The following KCNH8 variants were observed in gnomAD, a reference collection of about 807,000 sequenced individuals.
KCNH8 encodes the protein potassium voltage-gated channel subfamily H member 8.
Under a neutral mutation model 103.6 loss-of-function variants are expected in KCNH8, and 70 were observed. The ratio of observed to expected loss-of-function variants is 0.68; its 90% CI spans 0.56 to 0.82. The LOEUF (loss-of-function observed/expected upper bound fraction) is 0.82, where lower values mean the gene tolerates loss of function less well. KCNH8 is among the 40% of genes least tolerant of loss of function. The pLI is 0.00. For synonymous variants in KCNH8, 498 were observed against 489.4 expected, an observed-to-expected ratio of 1.02 and a Z score of -0.23; for missense variants, 1,217 against 1,329.9, an observed-to-expected ratio of 0.92 and a Z score of 1.32.
intron 7 of KCNH8, among the ~76,000 whole-genome samples, chr3:19,420,276 G>T (rs748419467): frequency 6.6e-6 from 1 of 152,048 alleles, no homozygotes; most frequent in African/African-American, 2.4e-5. Flanking sequence ...AGCTTATTTT[G>T]TTCCCGATAA....
intron 3 of KCNH8, among the ~76,000 whole-genome samples, chr3:19,312,009 G>A (rs1245880767): frequency 6.6e-6 from 1 of 151,826 alleles, no homozygotes; most frequent in African/African-American, 2.4e-5. Flanking sequence ...CATACGGATT[G>A]CCTTTCTCAA....
rs148006686 is a variant in KCNH8 at position 19,300,226 on chromosome 3, G to T, written c.442+18897G>T. On this transcript the variant is annotated intron_variant, in intron 3 of 15. Coordinates refer to ENST00000328405, the MANE Select transcript of KCNH8 (RefSeq NM_144633.3). ...ATTGCACCACTGCCCTCCAGCCTGG[G>T]TGACATAGCAAGACTCTGTCTATAA... 6.4e-3 allele frequency among the ~76,000 whole-genome samples: 963 copies of T among 151,414 alleles called. 6 individuals carry two copies. The highest frequency in any genetic ancestry group is 0.022 in the African/African-American group (894 of 41,280).
At chr3:19,426,906 T>A (rs970673868) in intron 7 of KCNH8, among the ~76,000 whole-genome samples, 3 of 152,210 alleles carry the variant, frequency 2.0e-5, no homozygotes, top group African/African-American at 7.2e-5. Flanking sequence ...ATCTTTCTCC[T>A]TTCTCAAACC....
intron 1 of KCNH8, among the ~76,000 whole-genome samples, chr3:19,162,516 G>C (rs1467545676): frequency 1.3e-5 from 2 of 149,812 alleles, no homozygotes; most frequent in Non-Finnish European, 3.0e-5. Context: ...CAAACAAAAA[G>C]AAAAAGAAAA....
At chr3:19,226,481 CTTGA>C (rs2063932777) in intron 1 of KCNH8, among the ~76,000 whole-genome samples, 1 of 152,058 alleles carries the variant, frequency 6.6e-6, no homozygotes, top group South Asian at 2.1e-4. Context: ...TTGGTAAGGT[CTTGA>C]CAGTAAGAGA....
chr3:19,376,976 A>G (rs1269777059), intron 5 of KCNH8, among the ~76,000 whole-genome samples: 6 of 152,232 alleles, frequency 3.9e-5, no homozygotes, highest in Non-Finnish European at 8.8e-5. Flanking sequence ...AGAGAATGAG[A>G]TGGCACAACC....
chr3:19,281,199 G>T lies in KCNH8; in HGVS notation c.312G>T (p.Gly104=). The change falls in exon 3 of 16, where the codon GGG becomes GGT. Residue 104 remains glycine (G), a splice_region_variant and synonymous_variant. Coordinates refer to ENST00000328405, the MANE Select transcript of KCNH8 (RefSeq NM_144633.3). ...ATTTTTTTTTCTTTACTGTTGCAGG[G>T]TCTCCATTTTGGTGCCTACTGGATA... ...KGEIMFYKKN[G]SPFWCLLDIV... 1.2e-6 allele frequency: 2 copies of T among 1,608,810 alleles called. No individual in the cohort carries two copies. Among genetic ancestry groups the T allele is most frequent in the Non-Finnish European group, 1.7e-6 (2 of 1,177,446 alleles).
At chr3:19,484,944 G>C (rs760706740) in intron 11 of KCNH8, among the ~76,000 whole-genome samples, 7 of 152,114 alleles carry the variant, frequency 4.6e-5, no homozygotes, top group African/African-American at 1.2e-4. Context: ...TGTTTTCTTA[G>C]AAGGAGTGCA....
At chr3:19,415,157 G>GTAA (rs1161742127) in intron 7 of KCNH8, among the ~76,000 whole-genome samples, 1 of 151,748 alleles carries the variant, frequency 6.6e-6, no homozygotes, top group East Asian at 1.9e-4. Flanking sequence ...AGAAATGATG[G>GTAA]TAATAATAAT....
At chr3:19,515,743 C>A (rs1028238527) in intron 14 of KCNH8, among the ~76,000 whole-genome samples, 4 of 151,950 alleles carry the variant, frequency 2.6e-5, no homozygotes, top group Non-Finnish European at 5.9e-5. Flanking sequence ...TTAGATTAAT[C>A]CATAAAAACA....
chr3:19,279,474 C>G (rs1260764646), intron 2 of KCNH8, among the ~76,000 whole-genome samples: 1 of 151,746 alleles, frequency 6.6e-6, no homozygotes, highest in Non-Finnish European at 1.5e-5. Context: ...ATGGTTAGAT[C>G]CCAGGTCTTC....
intron 11 of KCNH8, among the ~76,000 whole-genome samples, chr3:19,502,673 G>T (rs1192756639): frequency 6.6e-6 from 1 of 151,302 alleles, no homozygotes; most frequent in South Asian, 2.1e-4. Context: ...ACAAGCAATG[G>T]GGAAAGGATT....
At chr3:19,300,627 G>T (rs1009566259) in intron 3 of KCNH8, among the ~76,000 whole-genome samples, 1 of 152,230 alleles carries the variant, frequency 6.6e-6, no homozygotes, top group East Asian at 1.9e-4. Flanking sequence ...TTTAAGAGCG[G>T]AGATTACATA....
chr3:19,503,613 T>G (rs1220261831), intron 11 of KCNH8, among the ~76,000 whole-genome samples: 1 of 152,024 alleles, frequency 6.6e-6, no homozygotes, highest in Non-Finnish European at 1.5e-5. Flanking sequence ...AAATGATGAG[T>G]TCACGTCCTT....
intron 3 of KCNH8, among the ~76,000 whole-genome samples, chr3:19,288,648 G>A (rs1423415010): frequency 1.3e-5 from 2 of 152,162 alleles, no homozygotes; most frequent in Non-Finnish European, 2.9e-5. Context: ...CATTTGGGTT[G>A]TTTCCAAGTC....
chr3:19,419,030 G>T (rs925054456), intron 7 of KCNH8, among the ~76,000 whole-genome samples: 5 of 152,028 alleles, frequency 3.3e-5, no homozygotes, highest in Admixed American at 2.0e-4. Flanking sequence ...ATAGATACAT[G>T]ATAGGAAATG....
chr3:19,169,255 CTT>C (rs768036667), intron 1 of KCNH8, among the ~76,000 whole-genome samples: 15 of 124,958 alleles, frequency 1.2e-4, no homozygotes, highest in African/African-American at 2.5e-4. Flanking sequence ...TTCTTTCTTT[CTT>C]TTTTTTTTTT....
At position 19,534,533 on chromosome 3, in the gene KCNH8, T is replaced by TTTTC. The variant is rs2069234130; in HGVS notation, c.*438_*441dup. On this transcript the variant is annotated 3_prime_UTR_variant, in exon 16 of 16. Transcript: ENST00000328405. ...GAGTGCACAGCTCCTGCTGATGTAT[T>TTTTC]TTTCTTTTTGTGAAGGCAAAGGGAC... 6.2e-6 allele frequency: 1 copy of TTTTC among 161,710 alleles called. No homozygotes were observed. The highest frequency in any genetic ancestry group is 1.3e-5 in the Non-Finnish European group (1 of 74,142). The allele number at this position is 161,710 out of a possible 1,614,324, so 10.0% of individuals were successfully genotyped here. A position where few individuals can be genotyped will look rare whatever the true frequency, so the allele number is the denominator to read the frequency against.
rs200575109 is a variant in KCNH8, at chr3:19,170,773, TACAC to T, written c.76+21992_76+21995del. Among the ~76,000 whole-genome samples, 1,046 of 134,540 alleles carry T rather than the reference TACAC, an allele frequency of 7.8e-3. 48 individuals carry two copies. The highest frequency in any genetic ancestry group is 0.028 in the African/African-American group (942 of 33,424). 88.3% of individuals were successfully genotyped at this position (134,540 alleles called of 152,430 possible). On this transcript the variant is annotated intron_variant, in intron 1 of 15. Coordinates refer to ENST00000328405, the MANE Select transcript of KCNH8 (RefSeq NM_144633.3). ...ACACATATATATACACACATATATA[TACAC>T]ACACACACACACATATATATATATA...
Sources: allele counts gnomAD v4.1 joint callset (sites outside exome capture counted in the v4.1 genomes callset), GRCh38; gene constraint gnomAD v4.1.1; transcripts MANE v1.5; gene names NCBI Gene and HGNC (gene_info 2026-07-23, HGNC 2026-07-21).